IL20RA: variants seen among roughly 807,000 people sequenced by gnomAD.
IL20RA encodes interleukin-20 receptor subunit alpha.
Under a neutral mutation model 36.5 loss-of-function variants are expected in IL20RA, and 29 were observed. The ratio of observed to expected loss-of-function variants is 0.79; its 90% CI spans 0.59 to 1.08. IL20RA has a LOEUF of 1.08. Among genes scored for constraint, IL20RA ranks in the 50% least tolerant of loss-of-function variants. The pLI, the probability that IL20RA is intolerant of heterozygous loss-of-function variation, is 0.00. For missense variants in IL20RA, 652 were observed against 668.4 expected, an observed-to-expected ratio of 0.98 and a Z score of 0.27; for synonymous variants, 279 against 267.1, an observed-to-expected ratio of 1.04 and a Z score of -0.43.
At chr6:137,026,237 G>C (rs545309502) in intron 1 of IL20RA, among the ~76,000 whole-genome samples, 27 of 152,336 alleles carry the variant, frequency 1.8e-4, no homozygotes, top group African/African-American at 6.3e-4. Flanking sequence ...GCTCTGATCT[G>C]TTGGACACCA....
At chr6:137,019,214 C>T (rs901843853) in intron 1 of IL20RA, among the ~76,000 whole-genome samples, 3 of 151,836 alleles carry the variant, frequency 2.0e-5, no homozygotes, top group African/African-American at 7.3e-5. Context: ...GCAACCTCCA[C>T]TTCCCAGGTT....
At chr6:137,004,540 G>GA in intron 6 of IL20RA, 81 bp downstream of exon 6, 1 of 1,308,264 alleles carries the variant, frequency 7.6e-7, no homozygotes, top group Non-Finnish European at 1.1e-6. Context: ...AAAGGGAACT[G>GA]AATCTGTTCT....
chr6:137,032,719 A>G (rs553278164), intron 1 of IL20RA, among the ~76,000 whole-genome samples: 1 of 152,350 alleles, frequency 6.6e-6, no homozygotes, highest in East Asian at 1.9e-4. Context: ...AGACTTTCCA[A>G]TCACACACCA....
chr6:137,025,721 T>G (rs772961055), intron 1 of IL20RA, among the ~76,000 whole-genome samples: 2 of 152,242 alleles, frequency 1.3e-5, no homozygotes, highest in African/African-American at 4.8e-5. Flanking sequence ...TCTGTAAGTA[T>G]AGCAAAATGG....
chr6:137,037,522 C>T (rs1776530777), intron 1 of IL20RA, among the ~76,000 whole-genome samples: 2 of 152,260 alleles, frequency 1.3e-5, no homozygotes, highest in South Asian at 4.2e-4. Flanking sequence ...GAATGAGGGT[C>T]TGTGTCTCAT....
intron 1 of IL20RA, among the ~76,000 whole-genome samples, chr6:137,033,987 T>C (rs986689544): frequency 4.6e-5 from 7 of 151,978 alleles, no homozygotes; most frequent in African/African-American, 1.7e-4. Flanking sequence ...GTTAACAGAG[T>C]CCTTAAAGGA....
chr6:137,031,435 T>C (rs1187940995), intron 1 of IL20RA, among the ~76,000 whole-genome samples: 2 of 152,350 alleles, frequency 1.3e-5, no homozygotes, highest in East Asian at 3.9e-4. Flanking sequence ...CATAAGATGA[T>C]GTATATATAA....
In IL20RA at chr6:137,002,243, T is replaced by A. The variant is rs770706912; in HGVS notation, c.977A>T (p.Asp326Val). 1 of 1,614,044 alleles carries A rather than the reference T, an allele frequency of 6.2e-7. No individual in the cohort carries two copies. Among genetic ancestry groups the A allele is most frequent in the Non-Finnish European group, 8.5e-7 (1 of 1,179,932 alleles). The part of the protein sequence containing the change: ...ISDDSKISHQ[D>V]MSLLGKSSDV... ...ACTGCTTTTTCCCAGTAAACTCATA[T>A]CCTGATGAGAAATTTTAGAATCATC... The change falls in exon 7 of 7, where the codon GAT becomes GTT. Residue 326 changes from aspartate to valine, a missense_variant. Physicochemically the swap from Asp to Val is radical, Grantham distance 152. Transcript: ENST00000316649.
chr6:137,036,665 G>A (rs1776503370), intron 1 of IL20RA, among the ~76,000 whole-genome samples: 1 of 151,036 alleles, frequency 6.6e-6, no homozygotes, highest in African/African-American at 2.5e-5. Flanking sequence ...CTCCCTCACA[G>A]CCTTCAGAAA....
intron 2 of IL20RA, 132 bp downstream of exon 2, chr6:137,016,836 T>G (rs1775705076): frequency 1.2e-6 from 1 of 845,220 alleles, no homozygotes; most frequent in Non-Finnish European, 1.8e-6. Flanking sequence ...TCCAGAAAAC[T>G]TAACCTGAAA....
intron 3 of IL20RA, among the ~76,000 whole-genome samples, chr6:137,010,500 T>C (rs1775449498): frequency 3.0e-5 from 1 of 32,942 alleles, no homozygotes; most frequent in South Asian, 0.026. Flanking sequence ...AAGGGTGTTG[T>C]TGGATTTGTC....
chr6:137,023,802 A>G (rs562252281), intron 1 of IL20RA, among the ~76,000 whole-genome samples: 2 of 152,336 alleles, frequency 1.3e-5, no homozygotes, highest in East Asian at 3.8e-4. Flanking sequence ...AGTGATAAAA[A>G]ATAGAATTAG....
intron 1 of IL20RA, among the ~76,000 whole-genome samples, chr6:137,039,139 A>C (rs1776588658): frequency 6.6e-6 from 1 of 152,222 alleles, no homozygotes; most frequent in Non-Finnish European, 1.5e-5. Flanking sequence ...CCTCAGCCCT[A>C]CTATGTCGTT....
chr6:137,033,221 G>T (rs1188324809), intron 1 of IL20RA, among the ~76,000 whole-genome samples: 3 of 152,138 alleles, frequency 2.0e-5, no homozygotes, highest in African/African-American at 7.2e-5. Context: ...CTTGGCTCAT[G>T]GCAACATCAC....
chr6:137,001,694 C>T lies in IL20RA; in HGVS notation c.1526G>A (p.Gly509Glu). ...AAGACCCTCCTCTCCGAGCCCATCC[C>T]CCTCAGAAGGCTCGCAGCCCTCTGA... ...QDSEGCEPSEGDGLGEEGLLS... is the reference protein window; with the variant it reads ...QDSEGCEPSEEDGLGEEGLLS... Residue 509 changes from glycine to glutamate, a missense_variant, in exon 7 of 7, where the codon GGG becomes GAG. Coordinates refer to ENST00000316649, the MANE Select transcript of IL20RA (RefSeq NM_014432.4). 3 of 1,614,170 alleles carry T rather than the reference C, an allele frequency of 1.9e-6. No homozygotes were observed. Among genetic ancestry groups the T allele is most frequent in the Non-Finnish European group, 8.5e-7 (1 of 1,179,998 alleles).
intron 2 of IL20RA, among the ~76,000 whole-genome samples, chr6:137,011,740 A>C (rs2115378491): frequency 6.6e-6 from 1 of 152,292 alleles, no homozygotes; most frequent in South Asian, 2.1e-4. Context: ...GCTACAGTGA[A>C]ATTTTTACAT....
chr6:137,000,324 A>G lies in IL20RA; in HGVS notation c.*1234T>C, dbSNP rs1774986475. The G allele has an allele frequency of 6.6e-6, 1 of 152,210 alleles. No individual in the cohort carries two copies. Among genetic ancestry groups the G allele is most frequent in the African/African-American group, 2.4e-5 (1 of 41,456 alleles). 9.4% of individuals were successfully genotyped at this position (152,210 alleles called of 1,614,324 possible). ...ATGAGTTCATGACTAAAACAAATAT[A>G]TATTAAGGCAAACCATATGAAGTTA... On this transcript the variant is annotated 3_prime_UTR_variant, in exon 7 of 7. Transcript: ENST00000316649.
At chr6:137,021,500 A>G (rs1259095656) in intron 1 of IL20RA, among the ~76,000 whole-genome samples, 2 of 41,584 alleles carry the variant, frequency 4.8e-5, no homozygotes, top group Non-Finnish European at 2.3e-4. Flanking sequence ...CCCTGTTTCT[A>G]GCAAAAAAAA....
chr6:137,017,091 G>C lies in IL20RA; in HGVS notation c.101C>G (p.Ser34Cys). Residue 34 changes from serine (S) to cysteine (C), a missense_variant, in exon 2 of 7, where the codon TCT (serine) becomes TGT (cysteine). Physicochemically the swap from Ser to Cys is moderately radical, Grantham distance 112. Coordinates refer to ENST00000316649, the MANE Select transcript of IL20RA (RefSeq NM_014432.4). ...APWGRAVPCV[S>C]GGLPKPANIT... ...GTTTGCAGGTTTAGGCAAACCACCA[G>C]AGACACAGGGAACTGAAAAAGGAGC... 6.2e-7 allele frequency: 1 copy of C among 1,612,718 alleles called. No homozygotes were observed. Among genetic ancestry groups the C allele is most frequent in the Non-Finnish European group, 8.5e-7 (1 of 1,179,554 alleles).
Sources: gnomAD v4.1 joint callset for allele counts (sites outside exome capture counted in the v4.1 genomes callset) on GRCh38, gnomAD v4.1.1 for gene constraint, MANE v1.5 for transcripts, NCBI Gene and HGNC (gene_info 2026-07-23, HGNC 2026-07-21) for gene names.